DISC1: variants seen among roughly 807,000 people sequenced by gnomAD.
DISC1 encodes the protein DISC1 scaffold protein.
Under a neutral mutation model 84.5 loss-of-function variants are expected in DISC1, and 57 were observed. That is an observed-to-expected ratio of 0.67 (90% confidence interval 0.55 to 0.84). The LOEUF (loss-of-function observed/expected upper bound fraction) is 0.84, where lower values mean the gene tolerates loss of function less well. Among genes scored for constraint, DISC1 ranks in the 40% least tolerant of loss-of-function variants. DISC1 has a pLI of 0.00. For synonymous variants in DISC1, 411 were observed against 415.2 expected (o/e 0.99, Z 0.12); for missense variants, 1,000 against 1,057.8 (o/e 0.95, Z 0.76).
chr1:231,626,871 C>T lies in DISC1; in HGVS notation c.4C>T (p.Pro2Ser), dbSNP rs1302066437. The part of the protein sequence containing the change: M[P>S]GGGPQGAPAA... ...GGAGGAGCTGGCAGCGGGGCGCATG[C>T]CAGGCGGGGGTCCTCAGGGCGCCCC... The change falls in exon 1 of 13, where the codon CCA becomes TCA. Residue 2 changes from proline (P) to serine (S), a missense_variant. Transcript: ENST00000439617. 4 of 1,465,976 alleles carry T rather than the reference C, an allele frequency of 2.7e-6. No homozygotes were observed. The highest frequency in any genetic ancestry group is 3.0e-5 in the African/African-American group (2 of 67,028). 90.8% of individuals were successfully genotyped at this position (1,465,976 alleles called of 1,614,324 possible).
In DISC1 at chr1:231,962,542, C is replaced by T. The variant is rs546850823; in HGVS notation, c.2042+3654C>T. ...CTGGAGGCAACACGTTACCCAACTT[C>T]GGGCTAAACTGTAAGGCTACAGTAA... On this transcript the variant is annotated intron_variant, in intron 10 of 12. Coordinates refer to ENST00000439617, the MANE Select transcript of DISC1 (RefSeq NM_018662.3). 2.3e-3 allele frequency among the ~76,000 whole-genome samples: 356 copies of T among 152,206 alleles called. 2 individuals carry two copies. The highest frequency in any genetic ancestry group is 8.2e-3 in the African/African-American group (341 of 41,542).
At chr1:231,926,074 A>C (rs7546310) in intron 9 of DISC1, 71,179 of 152,108 alleles carry the variant, frequency 0.47, 17,899 homozygotes, top group Non-Finnish European at 0.57. Flanking sequence ...CACTGTGGTG[A>C]TTATCAGCAT....
At chr1:231,837,870 T>G (rs2082735478) in intron 9 of DISC1, among the ~76,000 whole-genome samples, 1 of 152,208 alleles carries the variant, frequency 6.6e-6, no homozygotes, top group Non-Finnish European at 1.5e-5. Flanking sequence ...CCTAATCTGG[T>G]TTGGGAATGG....
intron 3 of DISC1, among the ~76,000 whole-genome samples, chr1:231,707,087 T>C (rs953139300): frequency 1.3e-5 from 2 of 152,194 alleles, no homozygotes; most frequent in African/African-American, 2.4e-5. Flanking sequence ...GAAAACAAGA[T>C]TGAATAGAAT....
At chr1:231,725,431 A>C (rs1246899254) in intron 3 of DISC1, among the ~76,000 whole-genome samples, 1 of 152,144 alleles carries the variant, frequency 6.6e-6, no homozygotes, top group Non-Finnish European at 1.5e-5. Flanking sequence ...ACAGCTTACA[A>C]ATGCCATGGC....
intron 4 of DISC1, among the ~76,000 whole-genome samples, chr1:231,756,545 G>C (rs1053990104): frequency 6.8e-6 from 1 of 147,134 alleles, no homozygotes; most frequent in Non-Finnish European, 1.5e-5. Flanking sequence ...GAGAGAGAGA[G>C]AGAGAGAGAG....
chr1:231,784,008 A>G (rs1040439072), intron 6 of DISC1, among the ~76,000 whole-genome samples: 2 of 152,150 alleles, frequency 1.3e-5, no homozygotes, highest in Non-Finnish European at 2.9e-5. Flanking sequence ...TCACGCCTGT[A>G]ATCCCAACAC....
At chr1:231,720,459 C>A (rs1007258672) in intron 3 of DISC1, among the ~76,000 whole-genome samples, 1 of 152,176 alleles carries the variant, frequency 6.6e-6, no homozygotes, top group African/African-American at 2.4e-5. Flanking sequence ...CTGCCTCAGC[C>A]TCTCAAGAAG....
intron 12 of DISC1, among the ~76,000 whole-genome samples, chr1:232,029,192 G>A (rs200753344): frequency 1.3e-5 from 2 of 152,150 alleles, no homozygotes; most frequent in Non-Finnish European, 2.9e-5. Flanking sequence ...TTTAGGTACT[G>A]AAGTCAGCTC....
At chr1:231,672,835 T>G (rs1027313905) in intron 1 of DISC1, among the ~76,000 whole-genome samples, 1 of 152,216 alleles carries the variant, frequency 6.6e-6, no homozygotes, top group Non-Finnish European at 1.5e-5. Context: ...AGATACCTGT[T>G]GTTCCTTAAC....
In DISC1 at chr1:231,935,581, C is replaced by G. The variant is rs201959787; in HGVS notation, c.1982-23247C>G. Among the ~76,000 whole-genome samples, 83 of 152,308 alleles carry G rather than the reference C, an allele frequency of 5.4e-4. No individual in the cohort carries two copies. In the South Asian group the frequency reaches 0.016, roughly 29 times the overall value. On this transcript the variant is annotated intron_variant, in intron 9 of 12. Transcript: ENST00000439617. ...TTAAACAATTGCATCCTTATGTAAT[C>G]CTGGTGTTAAGGGGTGGGCTTAAAA...
At chr1:231,942,026 G>A (rs78111453) in intron 9 of DISC1, among the ~76,000 whole-genome samples, 5,911 of 152,194 alleles carry the variant, frequency 0.039, 196 homozygotes, top group Middle Eastern at 0.065. Flanking sequence ...CAGTGGAGAT[G>A]AGAAAACCAG....
intron 9 of DISC1, among the ~76,000 whole-genome samples, chr1:231,900,069 G>T (rs1425568606): frequency 6.6e-6 from 1 of 152,182 alleles, no homozygotes; most frequent in Non-Finnish European, 1.5e-5. Context: ...AACTTAAGAT[G>T]CAGTCTTCTG....
chr1:231,806,461 G>A (rs996277281), intron 8 of DISC1, among the ~76,000 whole-genome samples: 1 of 152,136 alleles, frequency 6.6e-6, no homozygotes, highest in Non-Finnish European at 1.5e-5. Context: ...GAGACCTGCT[G>A]GCTTCTCTCC....
chr1:231,977,719 G>A (rs1268124076), intron 10 of DISC1, among the ~76,000 whole-genome samples: 1 of 152,026 alleles, frequency 6.6e-6, no homozygotes, highest in Non-Finnish European at 1.5e-5. Context: ...AGCACCAACA[G>A]GAATATTTTG....
intron 10 of DISC1, among the ~76,000 whole-genome samples, chr1:231,997,289 G>A (rs1344755073): frequency 6.6e-6 from 1 of 152,106 alleles, no homozygotes; most frequent in Non-Finnish European, 1.5e-5. Flanking sequence ...ATTTACAGAA[G>A]CAGCAAACCT....
At chr1:231,825,956 A>G (rs16855128) in intron 9 of DISC1, among the ~76,000 whole-genome samples, 4,034 of 152,354 alleles carry the variant, frequency 0.026, 168 homozygotes, top group African/African-American at 0.09. Flanking sequence ...CTGTATGCAC[A>G]GATGAGCTAC....
intron 9 of DISC1, among the ~76,000 whole-genome samples, chr1:231,873,627 A>G (rs139857291): frequency 8.9e-4 from 135 of 152,344 alleles, no homozygotes; most frequent in Non-Finnish European, 1.6e-3. Flanking sequence ...AATATCCTTA[A>G]GGAAAATGCA....
intron 9 of DISC1, among the ~76,000 whole-genome samples, chr1:231,869,339 C>T (rs2085292438): frequency 6.6e-6 from 1 of 151,932 alleles, no homozygotes; most frequent in Non-Finnish European, 1.5e-5. Flanking sequence ...TAAAAATGGC[C>T]CTCAACAAAA....
Sources: gnomAD v4.1 joint callset for allele counts (sites outside exome capture counted in the v4.1 genomes callset) on GRCh38, gnomAD v4.1.1 for gene constraint, MANE v1.5 for transcripts, NCBI Gene and HGNC (gene_info 2026-07-23, HGNC 2026-07-21) for gene names.